PPP1R12C: variants seen among roughly 807,000 people sequenced by gnomAD.
PPP1R12C encodes the protein protein phosphatase 1 regulatory subunit 12C, also known as leukocyte receptor cluster (LRC) encoded novel gene 3.
A neutral mutation model predicts 95.6 loss-of-function variants in PPP1R12C; 48 were observed. The ratio of observed to expected loss-of-function variants is 0.50; its 90% confidence interval spans 0.40 to 0.64. The LOEUF (loss-of-function observed/expected upper bound fraction) is 0.64. Among genes scored for constraint, PPP1R12C ranks in the 30% least tolerant of loss-of-function variants. The probability of loss-of-function intolerance (pLI) is 0.00; values close to 1 mark genes in which losing one functional copy is unlikely to be tolerated. For missense variants in PPP1R12C, 1,057 were observed against 1,083.3 expected (o/e 0.98, Z 0.34); for synonymous variants, 480 against 460.8 (o/e 1.04, Z -0.53).
rs374390202 is a variant in PPP1R12C, at chr19:55,092,430, G to A, written c.2055+12C>T. 2.5e-6 allele frequency: 4 copies of A among 1,601,614 alleles called. No homozygotes were observed. Among genetic ancestry groups the A allele is most frequent in the African/African-American group, 2.7e-5 (2 of 74,846 alleles). Reference sequence around the variant, plus strand: ...CAGCAGGCAAAGCCCCGACGGAGGGGTGGGATCGCACCGTCCTAAAGCCTC... The same window carrying A: ...CAGCAGGCAAAGCCCCGACGGAGGGATGGGATCGCACCGTCCTAAAGCCTC... On this transcript the variant is annotated intron_variant, in intron 18 of 21. Transcript: ENST00000263433.
At chr19:55,101,226 AAC>A (rs2084975961) in intron 4 of PPP1R12C, among the ~76,000 whole-genome samples, 1 of 152,106 alleles carries the variant, frequency 6.6e-6, no homozygotes, top group Non-Finnish European at 1.5e-5. Context: ...CCAGCCTGGC[AAC>A]AGAGCGAGAC....
intron 9 of PPP1R12C, 94 bp from the exon 10 acceptor site, chr19:55,095,697 C>A: frequency 6.7e-7 from 1 of 1,498,520 alleles, no homozygotes. Flanking sequence ...AACTACAATT[C>A]CCATCAGCCC....
rs907217713 is a variant in PPP1R12C, at chr19:55,109,835, GCTC to G, written c.571+2629_571+2631del. 6.6e-6 allele frequency among the ~76,000 whole-genome samples: 1 copy of G among 152,170 alleles called. No homozygotes were observed. Among genetic ancestry groups the G allele is most frequent in the Admixed American group, 6.5e-5 (1 of 15,280 alleles). ...TCCTGCGCACTGCAGCCCCTCTGAG[GCTC>G]CTGTGTGGAGCCGGGTGTCACAGGG... On this transcript the variant is annotated intron_variant, in intron 3 of 21. Coordinates refer to ENST00000263433, the MANE Select transcript of PPP1R12C (RefSeq NM_017607.4). This position sits in a 1 kb window ranked among gnomAD's most constrained non-coding sequence, Gnocchi z 4.4.
At chr19:55,113,268 G>A in intron 1 of PPP1R12C, 1 of 704,672 alleles carries the variant, frequency 1.4e-6, no homozygotes, top group East Asian at 3.0e-5. Flanking sequence ...AACCACCCCA[G>A]CAGATACTCT....
intron 11 of PPP1R12C, 92 bp downstream of exon 11, chr19:55,095,199 G>C (rs2084896138): frequency 3.7e-6 from 5 of 1,364,164 alleles, no homozygotes; most frequent in Non-Finnish European, 5.1e-6. Flanking sequence ...CCAGACCCCA[G>C]GGGGTACATG....
At position 55,109,809 on chromosome 19, in the gene PPP1R12C, G is replaced by A. The variant is rs190432917; in HGVS notation, c.571+2658C>T. 1.6e-3 allele frequency among the ~76,000 whole-genome samples: 246 copies of A among 152,304 alleles called. No individual in the cohort carries two copies. Among genetic ancestry groups the A allele is most frequent in the African/African-American group, 5.8e-3 (239 of 41,560 alleles). On this transcript the variant is annotated intron_variant, in intron 3 of 21. Transcript: ENST00000263433. This position sits in a 1 kb window ranked among gnomAD's most constrained non-coding sequence, Gnocchi z 4.4. ...AGCTGGGGTGCAGCCTGTGATCCAG[G>A]TCCTGCGCACTGCAGCCCCTCTGAG...
intron 4 of PPP1R12C, 142 bp from the exon 5 acceptor site, chr19:55,099,237 G>T: frequency 1.0e-6 from 1 of 972,128 alleles, no homozygotes; most frequent in Non-Finnish European, 1.5e-6. Flanking sequence ...CCACTGCCCA[G>T]CATCCGCTGC....
Position 55,095,935 on chromosome 19 carries a change from G to T in PPP1R12C, c.1159C>A (p.Pro387Thr), listed in dbSNP as rs764312985. ...DEGEEGPTEPPPAEPRTLNGV... is the reference protein window; with the variant it reads ...DEGEEGPTEPTPAEPRTLNGV... ...TTGAGGGTTCTGGGTTCTGCAGGGG[G>T]TGGTTCTGTGATGTGGGAACACCGG... The change falls in exon 9 of 22, where the codon CCC (proline) becomes ACC (threonine). Residue 387 changes from proline (P) to threonine (T), a missense_variant. By Grantham distance (38) the Pro-to-Thr change is conservative (BLOSUM62 -1). Transcript: ENST00000263433. The T allele has an allele frequency of 6.2e-7, 1 of 1,612,948 alleles. No individual in the cohort carries two copies. The highest frequency in any genetic ancestry group is 1.1e-5 in the South Asian group (1 of 91,064).
In PPP1R12C at chr19:55,094,415, C is replaced by T. The variant is rs1484005173; in HGVS notation, c.1613G>A (p.Arg538Gln). Residue 538 changes from arginine to glutamine, a missense_variant, in exon 13 of 22, where the codon CGG becomes CAG. Physicochemically the swap from Arg to Gln is conservative, Grantham distance 43. Transcript: ENST00000263433. ...TCTCTGGGATTCCGACTCCTCATCC[C>T]GCACAGGCATCTGGTAGGACCTGAG... is the stretch of plus-strand genomic sequence containing the variant. Reference protein sequence around the residue: ...DRRRSYQMPVRDEESESQRKA... With the variant: ...DRRRSYQMPVQDEESESQRKA... 14 of 1,613,814 alleles carry T rather than the reference C, an allele frequency of 8.7e-6. No individual in the cohort carries two copies. The highest frequency in any genetic ancestry group is 1.1e-5 in the Non-Finnish European group (13 of 1,180,044).
At position 55,095,041 on chromosome 19, in the gene PPP1R12C, G is replaced by A. The variant is rs1657942935; in HGVS notation, c.1455-243C>T. The A allele has an allele frequency of 1.2e-5, 8 of 674,356 alleles. No homozygotes were observed. The Admixed American group carries it at 1.3e-4, about 11-fold the overall frequency. The allele number at this position is 674,356 out of a possible 1,614,324, so 41.8% of individuals were successfully genotyped here. A position where few individuals can be genotyped will look rare whatever the true frequency, so the allele number is the denominator to read the frequency against. ...TGAGAGCGGGAGGGTGTGCGTGTGC[G>A]GACGGCGCCGTGGTGGCAGCAGGGT... On this transcript the variant is annotated intron_variant, in intron 11 of 21. Coordinates refer to ENST00000263433, the MANE Select transcript of PPP1R12C (RefSeq NM_017607.4).
rs1426561681 is a variant in PPP1R12C, at chr19:55,096,140, G to A, written c.1064C>T (p.Ser355Phe). The change falls in exon 8 of 22, where the codon TCC becomes TTC. Residue 355 changes from serine to phenylalanine, a missense_variant. Coordinates refer to ENST00000263433, the MANE Select transcript of PPP1R12C (RefSeq NM_017607.4). ...VCRLSSREKI[S>F]LQDLSKERRP... ...GCGCTCCTTGGACAAGTCCTGGAGG[G>A]AAATCTTCTCGCGACTGCTCAGACG... is the stretch of plus-strand genomic sequence containing the variant. 15 of 1,600,070 alleles carry A rather than the reference G, an allele frequency of 9.4e-6. No individual in the cohort carries two copies. Among genetic ancestry groups the A allele is most frequent in the Non-Finnish European group, 1.3e-5 (15 of 1,173,642 alleles).
intron 6 of PPP1R12C, 33 bp from the exon 7 acceptor site, chr19:55,096,368 G>A (rs769157368): frequency 1.9e-6 from 3 of 1,605,912 alleles, no homozygotes; most frequent in African/African-American, 1.3e-5. Flanking sequence ...CAGGGGAGGG[G>A]TGGAGCACAC....
rs544202782 is a variant in PPP1R12C, at chr19:55,092,564, C to T, written c.1953-20G>A. 6.9e-6 allele frequency: 11 copies of T among 1,584,502 alleles called. No homozygotes were observed. In the African/African-American group the frequency reaches 1.1e-4, roughly 15 times the overall value. On this transcript the variant is annotated intron_variant, in intron 17 of 21. Transcript: ENST00000263433. ...AGGGTGCTGGGGCAGGGGAGGAGCG[C>T]GCGTCAGGGGCCGGCCCGGCCCGCA... is the stretch of plus-strand genomic sequence containing the variant.
At position 55,096,075 on chromosome 19, in the gene PPP1R12C, C is replaced by G; in HGVS notation, c.1129G>C (p.Asp377His). The change falls in exon 8 of 22, where the codon GAT (aspartate) becomes CAT (histidine). Residue 377 changes from aspartate (D) to histidine (H), a missense_variant. Around this residue, in one of 5 missense-constraint regions of PPP1R12C, gnomAD observed 356 missense variants for 330.5 expected, o/e 1.08. Coordinates refer to ENST00000263433, the MANE Select transcript of PPP1R12C (RefSeq NM_017607.4). Reference sequence around the variant, plus strand: ...CCGGTGGGACCTTCTTCCCCCTCATCCTCGTCCTGGATGGGGGGCCCCCCA... The same window carrying G: ...CCGGTGGGACCTTCTTCCCCCTCATGCTCGTCCTGGATGGGGGGCCCCCCA... ...GAGGPPIQDEDEGEEGPTEPP... is the reference protein window; with the variant it reads ...GAGGPPIQDEHEGEEGPTEPP... The G allele has an allele frequency of 6.2e-7, 1 of 1,609,508 alleles. No homozygotes were observed. The highest frequency in any genetic ancestry group is 1.7e-5 in the Admixed American group (1 of 59,488).
At chr19:55,101,358 C>T (rs1290894714) in intron 4 of PPP1R12C, among the ~76,000 whole-genome samples, 1 of 152,166 alleles carries the variant, frequency 6.6e-6, no homozygotes, top group Non-Finnish European at 1.5e-5. Context: ...GTCCAAAGTG[C>T]TTCACTTCCA....
intron 6 of PPP1R12C, among the ~76,000 whole-genome samples, 182 bp from the exon 7 acceptor site, chr19:55,096,517 C>T (rs115452929): frequency 0.022 from 3,330 of 152,158 alleles, 146 homozygotes; most frequent in African/African-American, 0.076. Context: ...GTCCAGCAGG[C>T]GCCCGCAGCT....
chr19:55,113,705 AGCTACGAGG>A, intron 1 of PPP1R12C: 1 of 841,998 alleles, frequency 1.2e-6, no homozygotes, highest in Non-Finnish European at 1.6e-6. Context: ...GGCGGGAGGG[AGCTACGAGG>A]GCCAAGAGCA....
intron 4 of PPP1R12C, among the ~76,000 whole-genome samples, chr19:55,101,526 G>A (rs549715823): frequency 1.3e-5 from 2 of 152,314 alleles, no homozygotes; most frequent in South Asian, 2.1e-4. Context: ...GCGTTAAGTG[G>A]TGCCGCTTGC....
intron 3 of PPP1R12C, among the ~76,000 whole-genome samples, chr19:55,105,465 C>T (rs542068019): frequency 1.2e-3 from 176 of 148,528 alleles, no homozygotes; most frequent in Admixed American, 2.2e-3. Context: ...GTGTTGACCA[C>T]CTGTTGTGTT....
Sources: allele counts gnomAD v4.1 joint callset (sites outside exome capture counted in the v4.1 genomes callset), GRCh38; gene constraint gnomAD v4.1.1; regional missense constraint gnomAD v4.1.1; non-coding constraint Gnocchi (gnomAD v3.1); transcripts MANE v1.5; gene names NCBI Gene and HGNC (gene_info 2026-07-23, HGNC 2026-07-21).